KIAA1328: variants seen among roughly 807,000 people sequenced by gnomAD.
KIAA1328 encodes the protein protein hinderin.
KIAA1328 carries 52 observed loss-of-function variants against 68.1 expected under a neutral mutation model. The ratio of observed to expected loss-of-function variants is 0.76; its 90% confidence interval spans 0.61 to 0.96. The LOEUF (loss-of-function observed/expected upper bound fraction) is 0.96, where lower values mean the gene tolerates loss of function less well. KIAA1328 is among the 40% of genes least tolerant of loss of function. The pLI is 0.00. For missense variants in KIAA1328, 641 were observed against 677.6 expected, an observed-to-expected ratio of 0.95 and a Z score of 0.60; for synonymous variants, 232 against 239.4, an observed-to-expected ratio of 0.97 and a Z score of 0.28.
chr18:37,020,538 A>G (rs999381757), intron 6 of KIAA1328, among the ~76,000 whole-genome samples: 7 of 152,390 alleles, frequency 4.6e-5, no homozygotes, highest in African/African-American at 1.7e-4. Flanking sequence ...ATAAATTTAG[A>G]CGAACAGGAA....
intron 5 of KIAA1328, among the ~76,000 whole-genome samples, chr18:36,909,058 A>G (rs1460530809): frequency 2.6e-5 from 4 of 152,130 alleles, no homozygotes; most frequent in Non-Finnish European, 5.9e-5. Flanking sequence ...GAAGATTCAT[A>G]TATTTACCCT....
chr18:37,212,891 T>C (rs2060344450), intron 9 of KIAA1328, among the ~76,000 whole-genome samples: 1 of 152,092 alleles, frequency 6.6e-6, no homozygotes, highest in Non-Finnish European at 1.5e-5. Context: ...CAGCTAATTG[T>C]ATTTTTGTAG....
At chr18:37,086,916 A>G (rs1360943892) in intron 7 of KIAA1328, among the ~76,000 whole-genome samples, 2 of 152,222 alleles carry the variant, frequency 1.3e-5, no homozygotes, top group African/African-American at 2.4e-5. Flanking sequence ...GAATCTTTTA[A>G]CTGGCAAACT....
chr18:37,083,223 G>C (rs2057003146), intron 7 of KIAA1328, among the ~76,000 whole-genome samples: 1 of 152,082 alleles, frequency 6.6e-6, no homozygotes, highest in Non-Finnish European at 1.5e-5. Flanking sequence ...CCTGATTTGG[G>C]CATTTTGCAT....
intron 7 of KIAA1328, among the ~76,000 whole-genome samples, chr18:37,111,046 G>C (rs1253946940): frequency 6.6e-6 from 1 of 152,148 alleles, no homozygotes; most frequent in Non-Finnish European, 1.5e-5. Flanking sequence ...TGGGCTATTT[G>C]ATGGAAAGAC....
chr18:37,089,266 A>G (rs1466745717), intron 7 of KIAA1328, among the ~76,000 whole-genome samples: 1 of 152,034 alleles, frequency 6.6e-6, no homozygotes, highest in African/African-American at 2.4e-5. Flanking sequence ...TATCTCTTCC[A>G]GAAATATTTT....
chr18:36,959,280 G>GT, intron 5 of KIAA1328, 28 bp from the exon 6 acceptor site: 4 of 1,540,692 alleles, frequency 2.6e-6, no homozygotes, highest in South Asian at 2.5e-5. Context: ...CAATTTTTCA[G>GT]TTTTTTTCCC....
At position 36,945,453 on chromosome 18, in the gene KIAA1328, C is replaced by G. The variant is rs186359338; in HGVS notation, c.449-13855C>G. Among the ~76,000 whole-genome samples, 204 of 152,206 alleles carry G rather than the reference C, an allele frequency of 1.3e-3. 1 individual carries two copies. Among genetic ancestry groups the G allele is most frequent in the Non-Finnish European group, 2.5e-3 (173 of 68,006 alleles). ...GTAATTTACATGTGTGATCAATAGC[C>G]TCAGTCATTTTCAAAGAGACAAGTA... On this transcript the variant is annotated intron_variant, in intron 5 of 9. Transcript: ENST00000280020.
intron 8 of KIAA1328, among the ~76,000 whole-genome samples, chr18:37,171,523 A>C (rs551296433): frequency 9.9e-5 from 15 of 152,226 alleles, no homozygotes; most frequent in African/African-American, 3.6e-4. Context: ...ATGTCTCTTT[A>C]TGTGATAGTC....
At position 36,959,292 on chromosome 18, in the gene KIAA1328, T is replaced by C. The variant is rs1319416165; in HGVS notation, c.449-16T>C. 6.4e-7 allele frequency: 1 copy of C among 1,554,204 alleles called. No homozygotes were observed. The highest frequency in any genetic ancestry group is 8.6e-7 in the Non-Finnish European group (1 of 1,157,884). ...AATCAATTTTTCAGTTTTTTTCCCTTAATTTGCAATCTCACCTCTTCAGCT... is the reference window on the plus strand; with the variant it reads ...AATCAATTTTTCAGTTTTTTTCCCTCAATTTGCAATCTCACCTCTTCAGCT... On this transcript the variant is annotated splice_polypyrimidine_tract_variant and intron_variant, in intron 5 of 9. Coordinates refer to ENST00000280020, the MANE Select transcript of KIAA1328 (RefSeq NM_020776.3).
At chr18:36,970,271 ACT>A in intron 6 of KIAA1328, among the ~76,000 whole-genome samples, 1 of 152,298 alleles carries the variant, frequency 6.6e-6, no homozygotes, top group African/African-American at 2.4e-5. Flanking sequence ...TATGCTACAG[ACT>A]CTCAATACAT....
At chr18:36,837,170 C>A (rs764731917) in intron 3 of KIAA1328, among the ~76,000 whole-genome samples, 8 of 151,962 alleles carry the variant, frequency 5.3e-5, no homozygotes, top group Non-Finnish European at 1.0e-4. Flanking sequence ...GACAAAATTC[C>A]AAACTGTTTT....
chr18:37,072,376 T>C (rs2056566729), intron 7 of KIAA1328, among the ~76,000 whole-genome samples: 3 of 151,614 alleles, frequency 2.0e-5, no homozygotes, highest in Admixed American at 2.0e-4. Flanking sequence ...TCATTTGCAC[T>C]ATTTTTCTCT....
chr18:36,914,495 G>A (rs564824275), intron 5 of KIAA1328, among the ~76,000 whole-genome samples: 66 of 152,244 alleles, frequency 4.3e-4, no homozygotes, highest in African/African-American at 1.5e-3. Context: ...GCTGAGGTGG[G>A]GGGATCACAA....
At chr18:36,839,278 A>G (rs1233363144) in intron 3 of KIAA1328, among the ~76,000 whole-genome samples, 1 of 151,516 alleles carries the variant, frequency 6.6e-6, no homozygotes, top group African/African-American at 2.4e-5. Flanking sequence ...TTATCCTTGG[A>G]TAGTTTGTAT....
rs559763278 is a variant in KIAA1328 at position 36,985,758 on chromosome 18, T to C, written c.576+26323T>C. Reference sequence around the variant, plus strand: ...GTATAAAACCTAAACTATTAAACCCTCCAAAGAAAACAGGAAAAATCTTTG... The same window carrying C: ...GTATAAAACCTAAACTATTAAACCCCCCAAAGAAAACAGGAAAAATCTTTG... On this transcript the variant is annotated intron_variant, in intron 6 of 9. Coordinates refer to ENST00000280020, the MANE Select transcript of KIAA1328 (RefSeq NM_020776.3). Among the ~76,000 whole-genome samples the C allele has an allele frequency of 4.6e-5, 7 of 151,968 alleles. No homozygotes were observed. In the South Asian group the frequency reaches 1.0e-3, roughly 23 times the overall value.
At chr18:36,949,990 G>A (rs2051093463) in intron 5 of KIAA1328, among the ~76,000 whole-genome samples, 1 of 152,190 alleles carries the variant, frequency 6.6e-6, no homozygotes, top group African/African-American at 2.4e-5. Context: ...TCATAAACAG[G>A]TGTAAATATT....
Position 37,223,596 on chromosome 18 carries a change from A to C in KIAA1328, c.*1369A>C. On this transcript the variant is annotated 3_prime_UTR_variant, in exon 10 of 10. Transcript: ENST00000280020. ...CTCTCCTTTTTACCAACCCCAACTA[A>C]ACTGGGAGTAAGACTTAGTCAGTGT... 2 of 985,330 alleles carry C rather than the reference A, an allele frequency of 2.0e-6. No homozygotes were observed. Among genetic ancestry groups the C allele is most frequent in the Non-Finnish European group, 2.4e-6 (2 of 829,928 alleles). 61.0% of individuals were successfully genotyped at this position (985,330 alleles called of 1,614,324 possible).
intron 7 of KIAA1328, among the ~76,000 whole-genome samples, chr18:37,152,275 A>G (rs2059052917): frequency 6.6e-6 from 1 of 152,096 alleles, no homozygotes; most frequent in Non-Finnish European, 1.5e-5. Context: ...AAGTAACGAG[A>G]CAAAGGTAAA....
Sources: allele counts gnomAD v4.1 joint callset (sites outside exome capture counted in the v4.1 genomes callset), GRCh38; gene constraint gnomAD v4.1.1; transcripts MANE v1.5; gene names NCBI Gene and HGNC (gene_info 2026-07-23, HGNC 2026-07-21).